The following PITPNM3 variants were observed in gnomAD, a reference collection of about 807,000 sequenced individuals.
PITPNM3 encodes PITPNM family member 3, also known as membrane-associated phosphatidylinositol transfer protein 3.
In PITPNM3, 26 loss-of-function variants were observed where a neutral mutation model predicts 102.0. The observed-to-expected ratio is 0.25, with a 90% CI of 0.19 to 0.35. The LOEUF is 0.35. PITPNM3 is among the 10% of genes least tolerant of loss of function. PITPNM3 has a pLI of 1.00. For missense variants in PITPNM3, 1,083 were observed against 1,346.1 expected (o/e 0.80, Z 3.06); for synonymous variants, 578 against 558.6 (o/e 1.03, Z -0.49).
chr17:6,496,865 C>CTCA (rs1285622893), intron 4 of PITPNM3, among the ~76,000 whole-genome samples: 4 of 152,160 alleles, frequency 2.6e-5, no homozygotes, highest in African/African-American at 9.7e-5. Flanking sequence ...GAGACGCACA[C>CTCA]TCATCCTCAT....
chr17:6,460,981 A>G (rs1239324378), intron 18 of PITPNM3: 2 of 325,172 alleles, frequency 6.2e-6, no homozygotes, highest in South Asian at 2.8e-5. Flanking sequence ...GGGTCACAGA[A>G]AGCACATCCG....
chr17:6,535,812 C>T (rs182412167), intron 2 of PITPNM3, among the ~76,000 whole-genome samples: 4 of 151,824 alleles, frequency 2.6e-5, no homozygotes, highest in Admixed American at 1.3e-4. Context: ...AATCCCAGCA[C>T]TTTGGGAGGC....
At position 6,478,149 on chromosome 17, in the gene PITPNM3, C is replaced by A. The variant is rs564612855; in HGVS notation, c.778-52G>T. The A allele has an allele frequency of 3.1e-6, 5 of 1,608,940 alleles. No individual in the cohort carries two copies. In the East Asian group the frequency reaches 6.7e-5, roughly 22 times the overall value. ...GGCCTGCCCACTGCTGACCCCTCAC[C>A]CCCACACCCGGCCAGAGCAGTGCTG... On this transcript the variant is annotated intron_variant, in intron 7 of 19. Coordinates refer to ENST00000262483, the MANE Select transcript of PITPNM3 (RefSeq NM_031220.4). The surrounding 1 kb of genome is among the most constrained non-coding windows in gnomAD (Gnocchi z 4.4).
chr17:6,551,263 G>A (rs776664993), intron 1 of PITPNM3, among the ~76,000 whole-genome samples: 81 of 152,074 alleles, frequency 5.3e-4, no homozygotes, highest in African/African-American at 1.7e-3. Flanking sequence ...AGGCTGAGGC[G>A]GGAGAATGGC....
rs1263084403 is a variant in PITPNM3 at position 6,470,462 on chromosome 17, AG to A, written c.1625-55del. Reference sequence around the variant, plus strand: ...CGTGGCCGGCCCGGGGCCTCACCCGAGGGGCAGCGGGGTCTCCCATTGCACA... The same window carrying A: ...CGTGGCCGGCCCGGGGCCTCACCCGAGGGCAGCGGGGTCTCCCATTGCACA... On this transcript the variant is annotated intron_variant, in intron 12 of 19. Coordinates refer to ENST00000262483, the MANE Select transcript of PITPNM3 (RefSeq NM_031220.4). The surrounding 1 kb of genome is among the most constrained non-coding windows in gnomAD (Gnocchi z 4.8). 4.3e-6 allele frequency: 7 copies of A among 1,611,672 alleles called. No individual in the cohort carries two copies. The highest frequency in any genetic ancestry group is 5.9e-6 in the Non-Finnish European group (7 of 1,178,800).
chr17:6,530,482 G>T (rs79840302), intron 2 of PITPNM3, among the ~76,000 whole-genome samples: 1,678 of 152,324 alleles, frequency 0.011, 29 homozygotes, highest in African/African-American at 0.038. Flanking sequence ...CTTGGGGAGT[G>T]GGGGAGGGGA....
chr17:6,484,157 C>T, intron 5 of PITPNM3, 59 bp downstream of exon 5: 1 of 1,507,340 alleles, frequency 6.6e-7, no homozygotes, highest in Non-Finnish European at 9.2e-7. Context: ...GATCCGAGGG[C>T]TCTTGCTAAA....
At position 6,457,793 on chromosome 17, in the gene PITPNM3, C is replaced by A. The variant is rs191436119; in HGVS notation, c.2491-71G>T. The A allele has an allele frequency of 1.6e-4, 246 of 1,540,640 alleles. 1 individual carries two copies. In the African/African-American group the frequency reaches 1.8e-3, roughly 11 times the overall value. On this transcript the variant is annotated intron_variant, in intron 18 of 19. Transcript: ENST00000262483. The surrounding 1 kb of genome is among the most constrained non-coding windows in gnomAD (Gnocchi z 4.7). The stretch of plus-strand genomic sequence containing the variant: ...CCCTGGAAAGCCTTCCCAGGCCAAC[C>A]CCAGGGGGCCCCTGCTTGGGGACCC...
chr17:6,457,492 G>T lies in PITPNM3; in HGVS notation c.2619+102C>A, dbSNP rs1406409931. Reference sequence around the variant, plus strand: ...TGAATAAATGAATGAGCAAATGGGGGAATGAACAAATGAATGAATGAATGA... The same window carrying T: ...TGAATAAATGAATGAGCAAATGGGGTAATGAACAAATGAATGAATGAATGA... On this transcript the variant is annotated intron_variant, in intron 19 of 19. Transcript: ENST00000262483. This position sits in a 1 kb window ranked among gnomAD's most constrained non-coding sequence, Gnocchi z 4.7. The T allele has an allele frequency of 1.9e-6, 3 of 1,554,924 alleles. No individual in the cohort carries two copies. The highest frequency in any genetic ancestry group is 2.6e-6 in the Non-Finnish European group (3 of 1,140,336).
At chr17:6,530,721 G>A (rs2150653088) in intron 2 of PITPNM3, among the ~76,000 whole-genome samples, 1 of 152,260 alleles carries the variant, frequency 6.6e-6, no homozygotes, top group African/African-American at 2.4e-5. Flanking sequence ...GCCCATTCCT[G>A]GCCCTGATGG....
intron 9 of PITPNM3, 31 bp downstream of exon 9, chr17:6,476,998 G>C (rs374551587): frequency 6.2e-7 from 1 of 1,612,076 alleles, no homozygotes; most frequent in Non-Finnish European, 8.5e-7. Flanking sequence ...CTGAGCCAAG[G>C]TCTTCTTGCT....
chr17:6,556,321 C>CA lies in PITPNM3; in HGVS notation c.22+63_22+64insT. On this transcript the variant is annotated intron_variant, in intron 1 of 19. Transcript: ENST00000262483. This position sits in a 1 kb window ranked among gnomAD's most constrained non-coding sequence, Gnocchi z 5.2. ...AGGGGTTCACCTGGGCCGGCGGCCC[C>CA]TCCTCTAGACGCGCGAGTCCCTCCC... 7.4e-7 allele frequency: 1 copy of CA among 1,351,312 alleles called. No individual in the cohort carries two copies. Among genetic ancestry groups the CA allele is most frequent in the Non-Finnish European group, 9.7e-7 (1 of 1,030,924 alleles). 83.7% of individuals were successfully genotyped at this position (1,351,312 alleles called of 1,614,324 possible).
intron 3 of PITPNM3, among the ~76,000 whole-genome samples, chr17:6,511,409 G>A (rs976921960): frequency 6.6e-6 from 1 of 152,192 alleles, no homozygotes; most frequent in African/African-American, 2.4e-5. Flanking sequence ...TAGTAGCACT[G>A]TAAAATAAGA....
In PITPNM3 at chr17:6,471,193, G is replaced by A. The variant is rs756530941; in HGVS notation, c.1592C>T (p.Ser531Leu). Reference protein sequence around the residue: ...GSSHSESSESSDSMAPVGASR... With the variant: ...GSSHSESSESLDSMAPVGASR... ...GGCACCCACGGGTGCCATGCTGTCC[G>A]AGGACTCCGAGCTCTCGCTGTGGGA... Residue 531 changes from serine to leucine, a missense_variant, in exon 12 of 20, where the codon TCG becomes TTG. By Grantham distance (145) the Ser-to-Leu change is moderately radical (BLOSUM62 -2). Coordinates refer to ENST00000262483, the MANE Select transcript of PITPNM3 (RefSeq NM_031220.4). The A allele has an allele frequency of 3.1e-5, 50 of 1,612,986 alleles. No homozygotes were observed. The highest frequency in any genetic ancestry group is 1.8e-4 in the Middle Eastern group (1 of 5,540).
rs1597354679 is a variant in PITPNM3 at position 6,452,719 on chromosome 17, A to T, written c.*2619T>A. 1 of 152,366 alleles carries T rather than the reference A, an allele frequency of 6.6e-6. No individual in the cohort carries two copies. The highest frequency in any genetic ancestry group is 1.9e-4 in the East Asian group (1 of 5,188). The allele number at this position is 152,366 out of a possible 1,614,324, so 9.4% of individuals were successfully genotyped here. ...ACTCACACACGCCAACTACAGCTCC[A>T]GTTGTTGCGTTCACAATATCTCACC... On this transcript the variant is annotated 3_prime_UTR_variant, in exon 20 of 20. Transcript: ENST00000262483.
At chr17:6,463,600 A>G (rs567449642) in intron 17 of PITPNM3, 132 bp downstream of exon 17, 40 of 1,307,962 alleles carry the variant, frequency 3.1e-5, no homozygotes, top group South Asian at 4.1e-5. Flanking sequence ...AGGTAAAGCC[A>G]GGGCTTCTCA....
At chr17:6,550,447 T>C (rs1910245982) in intron 1 of PITPNM3, among the ~76,000 whole-genome samples, 1 of 152,166 alleles carries the variant, frequency 6.6e-6, no homozygotes, top group Non-Finnish European at 1.5e-5. Flanking sequence ...ATCTCAGAAT[T>C]CCTGGAAGGC....
At chr17:6,530,963 TGCCACTGGCCCACG>T (rs1909112603) in intron 2 of PITPNM3, among the ~76,000 whole-genome samples, 1 of 152,222 alleles carries the variant, frequency 6.6e-6, no homozygotes, top group Middle Eastern at 3.2e-3. Context: ...TACAGAGCTG[TGCCACTGGCCCACG>T]GCCATGCAGA....
At chr17:6,483,413 T>C (rs888389770) in intron 6 of PITPNM3, 104 bp downstream of exon 6, 3 of 1,122,838 alleles carry the variant, frequency 2.7e-6, no homozygotes, top group South Asian at 2.7e-5. Context: ...CAGAGAGTCC[T>C]TGCAGGTACC....
Sources: allele counts gnomAD v4.1 joint callset (sites outside exome capture counted in the v4.1 genomes callset), GRCh38; gene constraint gnomAD v4.1.1; non-coding constraint Gnocchi (gnomAD v3.1); transcripts MANE v1.5; gene names NCBI Gene and HGNC (gene_info 2026-07-23, HGNC 2026-07-21).